CUL3: variants seen among roughly 807,000 people sequenced by gnomAD.
CUL3 encodes cullin 3.
Under a neutral mutation model 89.1 loss-of-function variants are expected in CUL3, and 19 were observed. The ratio of observed to expected loss-of-function variants is 0.21; its 90% CI spans 0.15 to 0.31. The LOEUF (loss-of-function observed/expected upper bound fraction) is 0.31, where lower values mean the gene tolerates loss of function less well. Among genes scored for constraint, CUL3 ranks in the 10% least tolerant of loss-of-function variants. CUL3 has a pLI of 1.00. For synonymous variants in CUL3, 351 were observed against 308.4 expected, an observed-to-expected ratio of 1.14 and a Z score of -1.45; for missense variants, 469 against 942.3, an observed-to-expected ratio of 0.50 and a Z score of 6.58.
intron 14 of CUL3, among the ~76,000 whole-genome samples, chr2:224,481,516 A>C (rs1286335824): frequency 6.6e-6 from 1 of 152,102 alleles, no homozygotes; most frequent in Non-Finnish European, 1.5e-5. Context: ...TCCAAACATC[A>C]AACTTTTATA....
intron 13 of CUL3, among the ~76,000 whole-genome samples, chr2:224,483,452 G>A (rs1691602770): frequency 6.6e-6 from 1 of 152,086 alleles, no homozygotes; most frequent in Non-Finnish European, 1.5e-5. Context: ...ACAGTAGTTA[G>A]TATACTAGAC....
chr2:224,573,075 C>T (rs1211728016), intron 1 of CUL3, among the ~76,000 whole-genome samples: 1 of 152,126 alleles, frequency 6.6e-6, no homozygotes, highest in African/African-American at 2.4e-5. Context: ...ATCAAAAAAG[C>T]ATTATTTCTT....
At chr2:224,521,065 A>C (rs1333661200) in intron 3 of CUL3, among the ~76,000 whole-genome samples, 6 of 152,344 alleles carry the variant, frequency 3.9e-5, no homozygotes, top group Non-Finnish European at 7.3e-5. Context: ...AAATGTGAAA[A>C]TTAAGTCCAA....
Position 224,472,889 on chromosome 2 carries a change from T to C in CUL3, c.*1356A>G, listed in dbSNP as rs1329093292. The C allele has an allele frequency of 4.7e-6, 1 of 213,034 alleles. No homozygotes were observed. Among genetic ancestry groups the C allele is most frequent in the African/African-American group, 2.3e-5 (1 of 44,304 alleles). The allele number at this position is 213,034 out of a possible 1,614,324, so 13.2% of individuals were successfully genotyped here. ...ACTGATAGTCAACGAAGGGTCAATT[T>C]AAACTTATTAGTAACATTTCATTTT... is the stretch of plus-strand genomic sequence containing the variant. On this transcript the variant is annotated 3_prime_UTR_variant, in exon 16 of 16. Coordinates refer to ENST00000264414, the MANE Select transcript of CUL3 (RefSeq NM_003590.5).
At chr2:224,512,376 G>A (rs544590069) in intron 5 of CUL3, among the ~76,000 whole-genome samples, 45 of 152,282 alleles carry the variant, frequency 3.0e-4, no homozygotes, top group Non-Finnish European at 5.9e-4. Context: ...GATTACAGGC[G>A]TGAGCCACTG....
At chr2:224,517,651 G>C (rs1200551676) in intron 3 of CUL3, among the ~76,000 whole-genome samples, 1 of 152,162 alleles carries the variant, frequency 6.6e-6, no homozygotes, top group Non-Finnish European at 1.5e-5. Flanking sequence ...GGATGACACA[G>C]CAAGACCCCA....
At position 224,584,184 on chromosome 2, in the gene CUL3, T is replaced by C. The variant is rs77896546; in HGVS notation, c.66+760A>G. Among the ~76,000 whole-genome samples, 824 of 152,230 alleles carry C rather than the reference T, an allele frequency of 5.4e-3. 4 individuals carry two copies. Among genetic ancestry groups the C allele is most frequent in the African/African-American group, 0.019 (779 of 41,530 alleles). On this transcript the variant is annotated intron_variant, in intron 1 of 15. Coordinates refer to ENST00000264414, the MANE Select transcript of CUL3 (RefSeq NM_003590.5). ...ACACGTTTGCTGTCACTGAAAGCGA[T>C]GAAACAAAGCTACTCCGCAAGGCGA...
chr2:224,508,961 CAAAAA>C (rs3081932), intron 6 of CUL3, among the ~76,000 whole-genome samples: 1 of 112,892 alleles, frequency 8.9e-6, no homozygotes, highest in South Asian at 2.9e-4. Flanking sequence ...GACTTCGTCT[CAAAAA>C]AAAAAAAAGA....
chr2:224,565,273 T>C (rs1470177650), intron 1 of CUL3, among the ~76,000 whole-genome samples: 1 of 152,130 alleles, frequency 6.6e-6, no homozygotes, highest in Non-Finnish European at 1.5e-5. Context: ...GAAAATGTAT[T>C]TGGTATTCAA....
At chr2:224,503,269 C>T (rs1477176994) in intron 9 of CUL3, among the ~76,000 whole-genome samples, 197 bp from the exon 10 acceptor site, 2 of 152,102 alleles carry the variant, frequency 1.3e-5, no homozygotes, top group Admixed American at 1.3e-4. Flanking sequence ...TCAGAGATTC[C>T]AATATACCCC....
rs1396101638 is a variant in CUL3 at position 224,478,343 on chromosome 2, C to A, written c.2032G>T (p.Ala678Ser). The A allele has an allele frequency of 6.2e-7, 1 of 1,605,264 alleles. No homozygotes were observed. The highest frequency in any genetic ancestry group is 8.5e-7 in the Non-Finnish European group (1 of 1,177,300). ...KLHRVKIQTV[A>S]AKQGESDPER... ...GGGTCGGATTCACCTTGTTTGGCAG[C>A]AACTAAAATAGAAATAAAGACATTT... is the stretch of plus-strand genomic sequence containing the variant. Residue 678 changes from alanine to serine, a missense_variant and splice_region_variant, in exon 15 of 16, where the codon GCT (alanine) becomes TCT (serine). Around this residue, in one of 4 missense-constraint regions of CUL3, gnomAD observed 65 missense variants for 147.8 expected, o/e 0.44. Transcript: ENST00000264414.
At position 224,500,272 on chromosome 2, in the gene CUL3, C is replaced by T. The variant is rs942607624; in HGVS notation, c.1610+91G>A. The T allele has an allele frequency of 2.1e-6, 3 of 1,418,188 alleles. No homozygotes were observed. The African/African-American group carries it at 4.2e-5, about 20-fold the overall frequency. 87.9% of individuals were successfully genotyped at this position (1,418,188 alleles called of 1,614,324 possible). ...CACGAGGTAATAAATGGAATACATT[C>T]ATCCTCAATTACGGATACTAATGTT... On this transcript the variant is annotated intron_variant, in intron 11 of 15. Coordinates refer to ENST00000264414, the MANE Select transcript of CUL3 (RefSeq NM_003590.5).
At chr2:224,527,530 G>A (rs1000383988) in intron 3 of CUL3, among the ~76,000 whole-genome samples, 4 of 152,104 alleles carry the variant, frequency 2.6e-5, no homozygotes, top group Non-Finnish European at 5.9e-5. Flanking sequence ...GCACTACAAC[G>A]TTCACACTAA....
chr2:224,478,013 CGA>C (rs1222016728), intron 15 of CUL3, among the ~76,000 whole-genome samples, 185 bp downstream of exon 15: 5 of 152,098 alleles, frequency 3.3e-5, no homozygotes, highest in African/African-American at 9.7e-5. Context: ...ACATTGGTTC[CGA>C]GAGTGTGCAC....
chr2:224,522,299 A>G (rs1693296574), intron 3 of CUL3, among the ~76,000 whole-genome samples: 1 of 152,198 alleles, frequency 6.6e-6, no homozygotes, highest in Admixed American at 6.5e-5. Flanking sequence ...AAAAGTTTCT[A>G]CTGCAGAATC....
In CUL3 at chr2:224,485,972, T is replaced by C. The variant is rs1231115901; in HGVS notation, c.1843-3894A>G. ...ACTGGTGATACGTAGGTGAACAGGGTCTGGAGTGGACCTCCAGCAAACTGC... is the reference window on the plus strand; with the variant it reads ...ACTGGTGATACGTAGGTGAACAGGGCCTGGAGTGGACCTCCAGCAAACTGC... On this transcript the variant is annotated intron_variant, in intron 13 of 15. Coordinates refer to ENST00000264414, the MANE Select transcript of CUL3 (RefSeq NM_003590.5). This position sits in a 1 kb window ranked among gnomAD's most constrained non-coding sequence, Gnocchi z 4.1. Among the ~76,000 whole-genome samples, 1 of 152,200 alleles carries C rather than the reference T, an allele frequency of 6.6e-6. No individual in the cohort carries two copies. The highest frequency in any genetic ancestry group is 2.4e-5 in the African/African-American group (1 of 41,446).
intron 3 of CUL3, among the ~76,000 whole-genome samples, chr2:224,520,987 C>A (rs775485174): frequency 6.6e-6 from 1 of 152,008 alleles, no homozygotes; most frequent in Non-Finnish European, 1.5e-5. Flanking sequence ...TCTTAAAGTG[C>A]GCTAAATAGT....
At chr2:224,499,463 TAC>T (rs1483076535) in intron 11 of CUL3, 3 of 240,008 alleles carry the variant, frequency 1.2e-5, no homozygotes, top group African/African-American at 6.9e-5. Flanking sequence ...CAATATCAAA[TAC>T]AGTTTCTTCC....
chr2:224,482,779 G>T (rs938068187), intron 13 of CUL3, among the ~76,000 whole-genome samples: 6 of 152,150 alleles, frequency 3.9e-5, no homozygotes, highest in Admixed American at 2.6e-4. Flanking sequence ...CTGTCAGTGG[G>T]ACAGCAAGGA....
Sources: gnomAD v4.1 joint callset for allele counts (sites outside exome capture counted in the v4.1 genomes callset) on GRCh38, gnomAD v4.1.1 for gene constraint, gnomAD v4.1.1 regional missense constraint, Gnocchi (gnomAD v3.1) non-coding constraint, MANE v1.5 for transcripts, NCBI Gene and HGNC (gene_info 2026-07-23, HGNC 2026-07-21) for gene names.